PHF20: variants seen among roughly 807,000 people sequenced by gnomAD.
PHF20 encodes PHD finger protein 20.
A neutral mutation model predicts 113.5 loss-of-function variants in PHF20; 23 were observed. The observed-to-expected ratio is 0.20, with a 90% CI of 0.15 to 0.29. The LOEUF is 0.29. PHF20 is among the 10% of genes least tolerant of loss of function. The pLI is 1.00. For synonymous variants in PHF20, 434 were observed against 457.3 expected, an observed-to-expected ratio of 0.95 and a Z score of 0.65; for missense variants, 943 against 1,219.6, an observed-to-expected ratio of 0.77 and a Z score of 3.38.
intron 10 of PHF20, among the ~76,000 whole-genome samples, chr20:35,908,889 T>G (rs1355278156): frequency 2.0e-5 from 3 of 152,224 alleles, no homozygotes; most frequent in African/African-American, 7.2e-5. Context: ...CTTTGTGTCT[T>G]GTAACCTTGC....
At chr20:35,905,825 G>T (rs933237370) in intron 10 of PHF20, among the ~76,000 whole-genome samples, 1 of 152,218 alleles carries the variant, frequency 6.6e-6, no homozygotes, top group Non-Finnish European at 1.5e-5. Context: ...TCCCTAAGGT[G>T]CCCCTTCTGA....
At chr20:35,892,128 G>C (rs977515804) in intron 9 of PHF20, among the ~76,000 whole-genome samples, 1 of 151,438 alleles carries the variant, frequency 6.6e-6, no homozygotes, top group Non-Finnish European at 1.5e-5. Context: ...CGTGATATTG[G>C]TTCACTGCAA....
intron 2 of PHF20, among the ~76,000 whole-genome samples, chr20:35,837,270 T>A (rs530325670): frequency 1.3e-5 from 2 of 152,308 alleles, no homozygotes; most frequent in East Asian, 1.9e-4. Flanking sequence ...ACTAAATTTT[T>A]AAAAAAATTC....
intron 16 of PHF20, among the ~76,000 whole-genome samples, chr20:35,940,087 CTG>C (rs2055947577): frequency 1.3e-5 from 2 of 152,220 alleles, no homozygotes; most frequent in South Asian, 4.1e-4. Context: ...CCCTCAGTTA[CTG>C]TGGAACATAT....
At chr20:35,804,602 C>T (rs1402432332) in intron 2 of PHF20, among the ~76,000 whole-genome samples, 1 of 151,916 alleles carries the variant, frequency 6.6e-6, no homozygotes, top group East Asian at 1.9e-4. Flanking sequence ...AAATTTGTGA[C>T]CTCAGGTGAT....
chr20:35,885,306 C>T (rs1367447804), intron 9 of PHF20, among the ~76,000 whole-genome samples: 2 of 151,812 alleles, frequency 1.3e-5, no homozygotes, highest in Non-Finnish European at 2.9e-5. Flanking sequence ...TAATAATGTT[C>T]TTTGTGGAAA....
chr20:35,847,655 C>A (rs949556186), intron 4 of PHF20, among the ~76,000 whole-genome samples: 5 of 152,156 alleles, frequency 3.3e-5, no homozygotes, highest in Admixed American at 2.6e-4. Flanking sequence ...GAATTTCAGT[C>A]ATTGTTTTCT....
At chr20:35,852,787 C>T (rs757616464) in intron 4 of PHF20, among the ~76,000 whole-genome samples, 2 of 151,602 alleles carry the variant, frequency 1.3e-5, no homozygotes. Flanking sequence ...TTAGTAGAGA[C>T]GGGGTTTCAC....
At position 35,813,178 on chromosome 20, in the gene PHF20, G is replaced by A. The variant is rs144731067; in HGVS notation, c.83+11573G>A. On this transcript the variant is annotated intron_variant, in intron 2 of 17. Transcript: ENST00000374012. ...GTAGAGACTGGGTTTCACCCTGTTAGCCAGGATGGTCTCGATCTCCTGGCC... is the reference window on the plus strand; with the variant it reads ...GTAGAGACTGGGTTTCACCCTGTTAACCAGGATGGTCTCGATCTCCTGGCC... 9.6e-3 allele frequency among the ~76,000 whole-genome samples: 1,459 copies of A among 152,168 alleles called. 12 individuals carry two copies. The highest frequency in any genetic ancestry group is 0.014 in the Non-Finnish European group (986 of 68,006).
Position 35,949,213 on chromosome 20 carries a change from C to G in PHF20, c.*1586C>G, listed in dbSNP as rs2056136204. ...GATTCCTCTACAAGAGGCTGTTTCT[C>G]ACTGCTAACGTTGGTGTTTCTGGCG... On this transcript the variant is annotated 3_prime_UTR_variant, in exon 18 of 18. Coordinates refer to ENST00000374012, the MANE Select transcript of PHF20 (RefSeq NM_016436.5). The G allele has an allele frequency of 6.6e-6, 1 of 152,492 alleles. No homozygotes were observed. Among genetic ancestry groups the G allele is most frequent in the East Asian group, 1.9e-4 (1 of 5,202 alleles). 9.4% of individuals were successfully genotyped at this position (152,492 alleles called of 1,614,324 possible).
rs150588285 is a variant in PHF20 at position 35,788,600 on chromosome 20, C to T, written c.-32-12891C>T. 5.1e-3 allele frequency among the ~76,000 whole-genome samples: 779 copies of T among 151,372 alleles called. 7 individuals carry two copies. Among genetic ancestry groups the T allele is most frequent in the African/African-American group, 0.015 (616 of 41,290 alleles). On this transcript the variant is annotated intron_variant, in intron 1 of 17. Transcript: ENST00000374012. The stretch of plus-strand genomic sequence containing the variant: ...TGAGGTTACCTCTTTTTTTTTGAGA[C>T]GTAGTCTCGCTCTGTTGCCCAGGCT...
intron 17 of PHF20, 143 bp downstream of exon 17, chr20:35,941,190 T>C (rs2055973085): frequency 6.5e-6 from 4 of 615,298 alleles, no homozygotes; most frequent in Non-Finnish European, 1.1e-5. Flanking sequence ...CCCACCTCCA[T>C]TCTCCCCTCA....
At position 35,783,037 on chromosome 20, in the gene PHF20, GA is replaced by G. The variant is rs572033297; in HGVS notation, c.-33+10970del. ...AGTGAAACCTCATCTCTATAACACA[GA>G]AAAAAAAAAAATTAGTTTGGCATGG... On this transcript the variant is annotated intron_variant, in intron 1 of 17. Transcript: ENST00000374012. 1.2e-3 allele frequency among the ~76,000 whole-genome samples: 179 copies of G among 144,776 alleles called. 1 individual carries two copies. The South Asian group carries it at 0.033, about 27-fold the overall frequency. The allele number at this position is 144,776 out of a possible 152,430, so 95.0% of individuals were successfully genotyped here.
rs2056141001 is a variant in PHF20 at position 35,949,520 on chromosome 20, C to T, written c.*1893C>T. ...AATTGCCCTAATTTTGCCAACTGGC[C>T]ATTATTGGGATTATTGTTTAAATTT... On this transcript the variant is annotated 3_prime_UTR_variant, in exon 18 of 18. Transcript: ENST00000374012. 6.6e-6 allele frequency: 1 copy of T among 152,654 alleles called. No individual in the cohort carries two copies. 9.5% of individuals were successfully genotyped at this position (152,654 alleles called of 1,614,324 possible). A position where few individuals can be genotyped will look rare whatever the true frequency, so the allele number is the denominator to read the frequency against.
chr20:35,939,950 C>T (rs186421021), intron 16 of PHF20, among the ~76,000 whole-genome samples: 3 of 152,306 alleles, frequency 2.0e-5, no homozygotes, highest in South Asian at 2.1e-4. Context: ...GTGGTAAGAA[C>T]ACAGTCTTTT....
At chr20:35,892,931 C>T (rs909886335) in intron 9 of PHF20, among the ~76,000 whole-genome samples, 2 of 152,218 alleles carry the variant, frequency 1.3e-5, no homozygotes, top group Non-Finnish European at 2.9e-5. Flanking sequence ...GATGTTTATT[C>T]CATCAGAGAA....
intron 4 of PHF20, among the ~76,000 whole-genome samples, chr20:35,855,964 C>T (rs1236674580): frequency 6.7e-6 from 1 of 149,252 alleles, no homozygotes; most frequent in Non-Finnish European, 1.5e-5. Flanking sequence ...CAGGCGTGAG[C>T]CATCACACCT....
intron 2 of PHF20, among the ~76,000 whole-genome samples, chr20:35,840,340 C>G (rs1332213135): frequency 6.6e-6 from 1 of 152,150 alleles, no homozygotes. Context: ...AAGTCTCCCT[C>G]CTATTTTTGC....
chr20:35,859,021 A>G (rs1336880410), intron 5 of PHF20, among the ~76,000 whole-genome samples: 1 of 152,174 alleles, frequency 6.6e-6, no homozygotes, highest in Non-Finnish European at 1.5e-5. Flanking sequence ...TTAGCCATAC[A>G]GGAAACTTGT....
Sources: gnomAD v4.1 joint callset for allele counts (sites outside exome capture counted in the v4.1 genomes callset) on GRCh38, gnomAD v4.1.1 for gene constraint, MANE v1.5 for transcripts, NCBI Gene and HGNC (gene_info 2026-07-23, HGNC 2026-07-21) for gene names.